Variants in COL20A1 observed in about 807,000 individuals in gnomAD.
COL20A1 encodes collagen alpha-1(XX) chain.
Under a neutral mutation model 152.9 loss-of-function variants are expected in COL20A1, and 164 were observed. That is an observed-to-expected ratio of 1.07 (90% CI 0.94 to 1.22). The LOEUF (loss-of-function observed/expected upper bound fraction) is 1.22. COL20A1 is among the 50% of genes most tolerant of loss of function. The pLI, the probability that COL20A1 is intolerant of heterozygous loss-of-function variation, is 0.00. For missense variants in COL20A1, 1,873 were observed against 1,744.8 expected (o/e 1.07, Z -1.31); for synonymous variants, 864 against 756.0 (o/e 1.14, Z -2.34).
At chr20:63,326,249 T>C in intron 30 of COL20A1, 100 bp downstream of exon 30, 1 of 965,448 alleles carries the variant, frequency 1.0e-6, no homozygotes, top group East Asian at 2.4e-5. Context: ...ACCCCTAGGT[T>C]ACCCCAGGAA....
intron 34 of COL20A1, 126 bp downstream of exon 34, chr20:63,328,624 A>G: frequency 3.2e-6 from 3 of 947,906 alleles, no homozygotes; most frequent in Non-Finnish European, 4.6e-6. Flanking sequence ...GCCACTGTCC[A>G]GCCTCTGGGG....
rs1197931819 is a variant in COL20A1 at position 63,313,593 on chromosome 20, G to T, written c.2210-150G>T. 2 of 774,708 alleles carry T rather than the reference G, an allele frequency of 2.6e-6. No individual in the cohort carries two copies. The highest frequency in any genetic ancestry group is 1.8e-5 in the African/African-American group (1 of 56,992). 48.0% of individuals were successfully genotyped at this position (774,708 alleles called of 1,614,324 possible). The stretch of plus-strand genomic sequence containing the variant: ...CAGGGGTGTGGTGTGGTTGTGCCAG[G>T]GGGGTGATGCGGGCTGTGGTAGGGG... On this transcript the variant is annotated intron_variant, in intron 17 of 35. Coordinates refer to ENST00000358894, the MANE Select transcript of COL20A1 (RefSeq NM_020882.4). This position sits in a 1 kb window ranked among gnomAD's most constrained non-coding sequence, Gnocchi z 5.9.
At chr20:63,322,210 C>G (rs893533378) in intron 27 of COL20A1, 99 bp downstream of exon 27, 1 of 999,882 alleles carries the variant, frequency 1.0e-6, no homozygotes, top group Admixed American at 3.6e-5. Context: ...GGGAGCTGCA[C>G]GCAGCTTCCC....
At position 63,308,082 on chromosome 20, in the gene COL20A1, C is replaced by T. The variant is rs764918740; in HGVS notation, c.767C>T (p.Thr256Met). 9.9e-6 allele frequency: 16 copies of T among 1,612,410 alleles called. No individual in the cohort carries two copies. Among genetic ancestry groups the T allele is most frequent in the South Asian group, 8.8e-5 (8 of 91,074 alleles). ...VRRLRYKGGN[T>M]FTGLALTHVL... Reference sequence around the variant, plus strand: ...CGCCTCCGCTACAAGGGGGGGAACACGTTCACAGGTACGGCCCAGGCCTGC... The same window carrying T: ...CGCCTCCGCTACAAGGGGGGGAACATGTTCACAGGTACGGCCCAGGCCTGC... The change falls in exon 7 of 36, where the codon ACG becomes ATG. Residue 256 changes from threonine to methionine, a missense_variant. Coordinates refer to ENST00000358894, the MANE Select transcript of COL20A1 (RefSeq NM_020882.4).
At chr20:63,324,519 A>G (rs2068214811) in intron 27 of COL20A1, 1 of 152,266 alleles carries the variant, frequency 6.6e-6, no homozygotes, top group African/African-American at 2.4e-5. Context: ...TAAAACACCA[A>G]GAATGCACAT....
chr20:63,304,026 T>C (rs1215568352), intron 3 of COL20A1, among the ~76,000 whole-genome samples: 5 of 137,924 alleles, frequency 3.6e-5, no homozygotes, highest in Non-Finnish European at 6.3e-5. Context: ...CCTCCAGGTG[T>C]GCAGGTGTGG....
At position 63,305,638 on chromosome 20, in the gene COL20A1, T is replaced by C; in HGVS notation, c.337+78T>C. 6.9e-7 allele frequency: 1 copy of C among 1,449,366 alleles called. No homozygotes were observed. The highest frequency in any genetic ancestry group is 9.2e-7 in the Non-Finnish European group (1 of 1,083,156). 89.8% of individuals were successfully genotyped at this position (1,449,366 alleles called of 1,614,324 possible). A position where few individuals can be genotyped will look rare whatever the true frequency, so the allele number is the denominator to read the frequency against. On this transcript the variant is annotated intron_variant, in intron 4 of 35. Coordinates refer to ENST00000358894, the MANE Select transcript of COL20A1 (RefSeq NM_020882.4). This position sits in a 1 kb window ranked among gnomAD's most constrained non-coding sequence, Gnocchi z 4.9. Reference sequence around the variant, plus strand: ...CCTCCTCTGGGCTGGGGTCCCACCCTCCTCCAGGCTGCGTTCCAGCCCCAG... The same window carrying C: ...CCTCCTCTGGGCTGGGGTCCCACCCCCCTCCAGGCTGCGTTCCAGCCCCAG...
chr20:63,307,105 G>A (rs1023714965), intron 5 of COL20A1, among the ~76,000 whole-genome samples: 3 of 152,242 alleles, frequency 2.0e-5, no homozygotes, highest in African/African-American at 7.2e-5. Context: ...CCAGACCGGG[G>A]ATGGCGGCTT....
chr20:63,318,153 T>C (rs11697902), intron 21 of COL20A1, among the ~76,000 whole-genome samples: 66,516 of 151,988 alleles, frequency 0.44, 15,550 homozygotes, highest in African/African-American at 0.61. Flanking sequence ...GCTCACAGCC[T>C]GAGAAGTGGG....
At position 63,308,113 on chromosome 20, in the gene COL20A1, C is replaced by CCT. The variant is rs771777278; in HGVS notation, c.775+26_775+27dup. The stretch of plus-strand genomic sequence containing the variant: ...CAGGTACGGCCCAGGCCTGCCCCTC[C>CCT]CTCTGTCCTGAGGGCGGACCTCCTT... On this transcript the variant is annotated intron_variant, in intron 7 of 35. Coordinates refer to ENST00000358894, the MANE Select transcript of COL20A1 (RefSeq NM_020882.4). 5 of 1,610,692 alleles carry CCT rather than the reference C, an allele frequency of 3.1e-6. No homozygotes were observed. In the African/African-American group the frequency reaches 6.7e-5, roughly 22 times the overall value.
chr20:63,297,819 A>G lies in COL20A1; in HGVS notation c.83-91A>G. 7.1e-6 allele frequency: 7 copies of G among 985,498 alleles called. No homozygotes were observed. In the South Asian group the frequency reaches 1.0e-4, roughly 15 times the overall value. 61.0% of individuals were successfully genotyped at this position (985,498 alleles called of 1,614,324 possible). Reference sequence around the variant, plus strand: ...CCGGGATAGGACTGTGTTCCTCCCAAATGCTGAGGGCAGGATGCCTGTACC... The same window carrying G: ...CCGGGATAGGACTGTGTTCCTCCCAGATGCTGAGGGCAGGATGCCTGTACC... On this transcript the variant is annotated intron_variant, in intron 2 of 35. Coordinates refer to ENST00000358894, the MANE Select transcript of COL20A1 (RefSeq NM_020882.4).
intron 7 of COL20A1, 123 bp downstream of exon 7, chr20:63,308,213 A>C (rs963270650): frequency 2.5e-6 from 3 of 1,198,068 alleles, no homozygotes; most frequent in African/African-American, 3.1e-5. Flanking sequence ...CCCTGTTCAC[A>C]CCTTTATAGA....
At chr20:63,307,711 G>A in intron 6 of COL20A1, 63 bp downstream of exon 6, 1 of 1,550,720 alleles carries the variant, frequency 6.4e-7, no homozygotes, top group African/African-American at 1.4e-5. Context: ...CTCTGCCAGA[G>A]GAGGCTGTGA....
In COL20A1 at chr20:63,313,568, CAG is replaced by C. The variant is rs2068044864; in HGVS notation, c.2210-174_2210-173del. Among the ~76,000 whole-genome samples the C allele has an allele frequency of 6.6e-6, 1 of 151,952 alleles. No homozygotes were observed. The highest frequency in any genetic ancestry group is 1.5e-5 in the Non-Finnish European group (1 of 67,948). ...TGGTGGGGTGCGGTGTGGGCAGTGG[CAG>C]GGGTGTGGTGTGGTTGTGCCAGGGG... is the stretch of plus-strand genomic sequence containing the variant. On this transcript the variant is annotated intron_variant, in intron 17 of 35. Coordinates refer to ENST00000358894, the MANE Select transcript of COL20A1 (RefSeq NM_020882.4). The surrounding 1 kb of genome is among the most constrained non-coding windows in gnomAD (Gnocchi z 5.9).
chr20:63,294,437 C>T (rs1000993305), intron 1 of COL20A1, among the ~76,000 whole-genome samples: 73 of 151,928 alleles, frequency 4.8e-4, no homozygotes, highest in African/African-American at 1.6e-3. Flanking sequence ...TTTGAGTGGG[C>T]CGGGCCTGGT....
intron 3 of COL20A1, among the ~76,000 whole-genome samples, chr20:63,298,313 C>T (rs2067825015): frequency 1.3e-5 from 2 of 152,104 alleles, no homozygotes; most frequent in African/African-American, 4.8e-5. Context: ...TTTTTAAAGG[C>T]AGGGTCTTGC....
At position 63,320,197 on chromosome 20, in the gene COL20A1, G is replaced by A. The variant is rs201660444; in HGVS notation, c.3075G>A (p.Ala1025=). ...GGGGCCCCCGGAGCAGTTCGGCCGCGGTGAGTTGGGCCCTGCCCACCTGCT... is the reference window on the plus strand; with the variant it reads ...GGGGCCCCCGGAGCAGTTCGGCCGCAGTGAGTTGGGCCCTGCCCACCTGCT... ...KARGPRSSSA[A]FQLQMLQIVC... Residue 1025 remains alanine, a splice_region_variant and synonymous_variant, in exon 24 of 36, where the codon GCG becomes GCA. Transcript: ENST00000358894. The A allele has an allele frequency of 1.1e-3, 1,767 of 1,589,330 alleles. 4 individuals carry two copies. Among genetic ancestry groups the A allele is most frequent in the East Asian group, 0.011 (465 of 44,088 alleles).
At chr20:63,295,297 T>A (rs990436597) in intron 2 of COL20A1, 108 bp downstream of exon 2, 3 of 694,456 alleles carry the variant, frequency 4.3e-6, no homozygotes, top group Admixed American at 2.7e-5. Flanking sequence ...CCTCCTAAGT[T>A]GAATGCGTGC....
intron 2 of COL20A1, 86 bp downstream of exon 2, chr20:63,295,275 G>C (rs923628211): frequency 6.0e-6 from 5 of 836,488 alleles, no homozygotes; most frequent in African/African-American, 5.1e-5. Context: ...CTCCGCCCCT[G>C]AGCCCCGTCT....
Sources: allele counts gnomAD v4.1 joint callset (sites outside exome capture counted in the v4.1 genomes callset), GRCh38; gene constraint gnomAD v4.1.1; non-coding constraint Gnocchi (gnomAD v3.1); transcripts MANE v1.5; gene names NCBI Gene and HGNC (gene_info 2026-07-23, HGNC 2026-07-21).